Variants in MTOR observed in about 807,000 individuals in gnomAD.
MTOR encodes serine/threonine-protein kinase mTOR.
Under a neutral mutation model 319.8 loss-of-function variants are expected in MTOR, and 70 were observed. That is an observed-to-expected ratio of 0.22 (90% CI 0.18 to 0.27). The LOEUF (loss-of-function observed/expected upper bound fraction) is 0.27, where lower values mean the gene tolerates loss of function less well. MTOR is among the 10% of genes least tolerant of loss of function. The pLI is 1.00. For missense variants in MTOR, 1,890 were observed against 3,274.4 expected, an observed-to-expected ratio of 0.58 and a Z score of 10.32; for synonymous variants, 1,183 against 1,211.4, an observed-to-expected ratio of 0.98 and a Z score of 0.49.
chr1:11,127,488 A>G lies in MTOR; in HGVS notation c.6216+136T>C. ...GCTCGTTTTATTAAAGTCAGTGGAA[A>G]GGCCAGAGGAAAAGAAATCTGACAA... On this transcript the variant is annotated intron_variant, in intron 44 of 57. Coordinates refer to ENST00000361445, the MANE Select transcript of MTOR (RefSeq NM_004958.4). This position sits in a 1 kb window ranked among gnomAD's most constrained non-coding sequence, Gnocchi z 5.5. 1 of 1,041,810 alleles carries G rather than the reference A, an allele frequency of 9.6e-7. No individual in the cohort carries two copies. The allele number at this position is 1,041,810 out of a possible 1,614,324, so 64.5% of individuals were successfully genotyped here.
At chr1:11,219,676 T>A (rs1324559234) in intron 19 of MTOR, among the ~76,000 whole-genome samples, 2 of 152,230 alleles carry the variant, frequency 1.3e-5, no homozygotes, top group East Asian at 3.9e-4. Context: ...AAGAGTTTTA[T>A]ATATAATAGA....
chr1:11,229,484 T>C (rs958294647), intron 18 of MTOR, among the ~76,000 whole-genome samples: 1 of 152,258 alleles, frequency 6.6e-6, no homozygotes, highest in Non-Finnish European at 1.5e-5. Flanking sequence ...AGAGCTGGGC[T>C]GACTGGTGCC....
In MTOR at chr1:11,127,530, C is replaced by A. The variant is rs1177657817; in HGVS notation, c.6216+94G>T. The A allele has an allele frequency of 1.2e-5, 17 of 1,434,036 alleles. No homozygotes were observed. Among genetic ancestry groups the A allele is most frequent in the Non-Finnish European group, 1.6e-5 (17 of 1,064,172 alleles). 88.8% of individuals were successfully genotyped at this position (1,434,036 alleles called of 1,614,324 possible). On this transcript the variant is annotated intron_variant, in intron 44 of 57. Transcript: ENST00000361445. The surrounding 1 kb of genome is among the most constrained non-coding windows in gnomAD (Gnocchi z 5.5). Reference sequence around the variant, plus strand: ...ATCTGACAAAGGCCTTGGGTCACGTCCTTTCATTCTATAAAAACTTTTCTC... The same window carrying A: ...ATCTGACAAAGGCCTTGGGTCACGTACTTTCATTCTATAAAAACTTTTCTC...
chr1:11,115,635 A>T lies in MTOR; in HGVS notation c.7017-167T>A. ...GTCCAGTTTTACTGGAACACACAGC[A>T]CGCTCCCTTGTTTAAGTACTGTTCC... On this transcript the variant is annotated intron_variant, in intron 50 of 57. Coordinates refer to ENST00000361445, the MANE Select transcript of MTOR (RefSeq NM_004958.4). This position sits in a 1 kb window ranked among gnomAD's most constrained non-coding sequence, Gnocchi z 4.5. 1 of 632,902 alleles carries T rather than the reference A, an allele frequency of 1.6e-6. No individual in the cohort carries two copies. Among genetic ancestry groups the T allele is most frequent in the Non-Finnish European group, 2.9e-6 (1 of 347,472 alleles). The allele number at this position is 632,902 out of a possible 1,614,324, so 39.2% of individuals were successfully genotyped here. A position where few individuals can be genotyped will look rare whatever the true frequency, so the allele number is the denominator to read the frequency against.
chr1:11,253,883 A>T lies in MTOR; in HGVS notation c.796T>A (p.Leu266Met). Residue 266 changes from leucine (L) to methionine (M), a missense_variant, in exon 6 of 58, where the codon TTG becomes ATG. This residue lies in a region of MTOR where 418 missense variants were observed against 543.1 expected (regional missense o/e 0.77). Transcript: ENST00000361445. Reference protein sequence around the residue: ...NRDDRIHGALLILNELVRISS... With the variant: ...NRDDRIHGALMILNELVRISS... Reference sequence around the variant, plus strand: ...ATTCGGACCAGCTCGTTAAGGATCAACAAGGCTCCATGGATCCGATCATCC... The same window carrying T: ...ATTCGGACCAGCTCGTTAAGGATCATCAAGGCTCCATGGATCCGATCATCC... 6.2e-7 allele frequency: 1 copy of T among 1,614,124 alleles called. No individual in the cohort carries two copies. Among genetic ancestry groups the T allele is most frequent in the South Asian group, 1.1e-5 (1 of 91,078 alleles).
chr1:11,234,236 A>C lies in MTOR; in HGVS notation c.2238T>G (p.Ile746Met), dbSNP rs1647119134. 6.2e-7 allele frequency: 1 copy of C among 1,614,044 alleles called. No homozygotes were observed. Among genetic ancestry groups the C allele is most frequent in the Admixed American group, 1.7e-5 (1 of 59,998 alleles). ...QILTELEHSG[I>M]GRIKEQSARM... ...GGGCACTCTGCTCTTTGATTCTTCCAATCCCACTGTGCTCCAACTCTGTCA... is the reference window on the plus strand; with the variant it reads ...GGGCACTCTGCTCTTTGATTCTTCCCATCCCACTGTGCTCCAACTCTGTCA... The change falls in exon 14 of 58, where the codon ATT becomes ATG. Residue 746 changes from isoleucine (I) to methionine (M), a missense_variant. Physicochemically the swap from Ile to Met is conservative, Grantham distance 10. Around this residue, in one of 15 missense-constraint regions of MTOR, gnomAD observed 377 missense variants for 653.9 expected, o/e 0.58. Coordinates refer to ENST00000361445, the MANE Select transcript of MTOR (RefSeq NM_004958.4).
intron 28 of MTOR, chr1:11,194,938 G>A (rs1160600384): frequency 4.3e-6 from 7 of 1,613,994 alleles, no homozygotes. Context: ...CACCTGGATG[G>A]CATCACCTGG....
Position 11,259,319 on chromosome 1 carries a change from T to C in MTOR, c.91A>G (p.Ser31Gly), listed in dbSNP as rs775157825. 1.2e-6 allele frequency: 2 copies of C among 1,613,334 alleles called. No individual in the cohort carries two copies. The highest frequency in any genetic ancestry group is 1.7e-6 in the Non-Finnish European group (2 of 1,179,794). The change falls in exon 2 of 58, where the codon AGC (serine) becomes GGC (glycine). Residue 31 changes from serine to glycine, a missense_variant. Coordinates refer to ENST00000361445, the MANE Select transcript of MTOR (RefSeq NM_004958.4). ...TTGGCCCTGGTTTCCTCATTCCGGC[T>C]CTTTAGGCCACTGGCAAACTGCTGC... ...VLQQFASGLK[S>G]RNEETRAKAA...
At chr1:11,165,970 C>T (rs1644631386) in intron 29 of MTOR, among the ~76,000 whole-genome samples, 1 of 152,124 alleles carries the variant, frequency 6.6e-6, no homozygotes, top group Non-Finnish European at 1.5e-5. Context: ...CTTTGACAAA[C>T]CTGACAAAAA....
intron 36 of MTOR, among the ~76,000 whole-genome samples, chr1:11,135,203 T>C (rs1043297684): frequency 6.6e-6 from 1 of 152,164 alleles, no homozygotes; most frequent in African/African-American, 2.4e-5. Flanking sequence ...CCACATCCAG[T>C]TGAACCAGCA....
chr1:11,172,269 C>A (rs575037259), intron 28 of MTOR, among the ~76,000 whole-genome samples: 12 of 152,046 alleles, frequency 7.9e-5, no homozygotes, highest in African/African-American at 2.9e-4. Context: ...TAAAAAATTA[C>A]AACTTTGGCT....
Position 11,106,922 on chromosome 1 carries a change from A to C in MTOR, c.*563T>G. On this transcript the variant is annotated 3_prime_UTR_variant, in exon 58 of 58. Coordinates refer to ENST00000361445, the MANE Select transcript of MTOR (RefSeq NM_004958.4). ...GTCGCAGCATCACTGGGTCTGATGG[A>C]AGACAGACCTTTTGTACTCATTTTG... 2.9e-6 allele frequency: 4 copies of C among 1,369,452 alleles called. No individual in the cohort carries two copies. The highest frequency in any genetic ancestry group is 3.9e-6 in the Non-Finnish European group (4 of 1,038,406). The allele number at this position is 1,369,452 out of a possible 1,614,324, so 84.8% of individuals were successfully genotyped here.
At chr1:11,161,267 A>G (rs1571030847) in intron 29 of MTOR, among the ~76,000 whole-genome samples, 1 of 152,344 alleles carries the variant, frequency 6.6e-6, no homozygotes, top group Non-Finnish European at 1.5e-5. Context: ...AGGCTTGAGT[A>G]GGTAAACAAA....
At chr1:11,188,551 GA>G in intron 28 of MTOR, among the ~76,000 whole-genome samples, 1 of 152,298 alleles carries the variant, frequency 6.6e-6, no homozygotes, top group East Asian at 1.9e-4. Context: ...GTCCTGCCTA[GA>G]AACTGACAGA....
Position 11,107,484 on chromosome 1 carries a change from G to A in MTOR, c.*1C>T, listed in dbSNP as rs143041125. On this transcript the variant is annotated 3_prime_UTR_variant, in exon 58 of 58. Transcript: ENST00000361445. ...CGTGATGGGCACATCTGGGCCTCCA[G>A]TTACCAGAAAGGGCACCTAAGAAGG... The A allele has an allele frequency of 4.3e-6, 7 of 1,612,836 alleles. No homozygotes were observed. The African/African-American group carries it at 8.0e-5, about 18-fold the overall frequency.
In MTOR at chr1:11,146,803, C is replaced by A. The variant is rs913526619; in HGVS notation, c.4571-12G>T. ...GCTGTCCCACTGACCTATACACACA[C>A]ACATAGACAGAAAGCATCAAGGGGG... On this transcript the variant is annotated splice_polypyrimidine_tract_variant and intron_variant, in intron 31 of 57. Coordinates refer to ENST00000361445, the MANE Select transcript of MTOR (RefSeq NM_004958.4). 9.4e-6 allele frequency: 15 copies of A among 1,598,692 alleles called. No homozygotes were observed. Among genetic ancestry groups the A allele is most frequent in the Non-Finnish European group, 1.3e-5 (15 of 1,166,114 alleles).
At position 11,256,081 on chromosome 1, in the gene MTOR, G is replaced by A. The variant is rs2100975040; in HGVS notation, c.616C>T (p.Arg206Cys). 1 of 1,614,126 alleles carries A rather than the reference G, an allele frequency of 6.2e-7. No individual in the cohort carries two copies. Among genetic ancestry groups the A allele is most frequent in the Non-Finnish European group, 8.5e-7 (1 of 1,180,026 alleles). Residue 206 changes from arginine (R) to cysteine (C), a missense_variant, in exon 5 of 58, where the codon CGT becomes TGT. Around this residue, in one of 15 missense-constraint regions of MTOR, gnomAD observed 81 missense variants for 203.6 expected, o/e 0.40. Transcript: ENST00000361445. ...VAVWDPKQAIREGAVAALRAC... is the reference protein window; with the variant it reads ...VAVWDPKQAICEGAVAALRAC... Reference sequence around the variant, plus strand: ...CGAAGGGCGGCTACAGCTCCCTCACGGATGGCCTGTTTGGGGTCCCACACG... The same window carrying A: ...CGAAGGGCGGCTACAGCTCCCTCACAGATGGCCTGTTTGGGGTCCCACACG...
At chr1:11,112,114 G>A (rs1018238912) in intron 54 of MTOR, among the ~76,000 whole-genome samples, 3 of 152,172 alleles carry the variant, frequency 2.0e-5, no homozygotes, top group African/African-American at 7.2e-5. Context: ...GGCTCTCAGA[G>A]GGACACAAGT....
intron 30 of MTOR, among the ~76,000 whole-genome samples, chr1:11,151,690 C>G (rs1644149448): frequency 6.6e-6 from 1 of 152,226 alleles, no homozygotes; most frequent in Non-Finnish European, 1.5e-5. Flanking sequence ...AGAGGCACAG[C>G]TCATCTGCAC....
Sources: gnomAD v4.1 joint callset for allele counts (sites outside exome capture counted in the v4.1 genomes callset) on GRCh38, gnomAD v4.1.1 for gene constraint, gnomAD v4.1.1 regional missense constraint, Gnocchi (gnomAD v3.1) non-coding constraint, MANE v1.5 for transcripts, NCBI Gene and HGNC (gene_info 2026-07-23, HGNC 2026-07-21) for gene names.